PDGFD: variants seen among roughly 807,000 people sequenced by gnomAD.
PDGFD encodes platelet-derived growth factor D.
PDGFD carries 30 observed loss-of-function variants against 44.7 expected under a neutral mutation model. That is an observed-to-expected ratio of 0.67 (90% CI 0.50 to 0.91). The LOEUF (loss-of-function observed/expected upper bound fraction) is 0.91, where lower values mean the gene tolerates loss of function less well. PDGFD is among the 40% of genes least tolerant of loss of function. PDGFD has a pLI of 0.00. For synonymous variants in PDGFD, 173 were observed against 168.4 expected (o/e 1.03, Z -0.21); for missense variants, 445 against 457.8 (o/e 0.97, Z 0.25).
At chr11:103,989,419 A>G (rs1387944961) in intron 3 of PDGFD, among the ~76,000 whole-genome samples, 1 of 152,242 alleles carries the variant, frequency 6.6e-6, no homozygotes, top group Non-Finnish European at 1.5e-5. Context: ...AGCCCAGGAC[A>G]GCAGCATTCA....
In PDGFD at chr11:104,074,982, T is replaced by C. The variant is rs1437951278; in HGVS notation, c.125-74727A>G. ...AAACAACTAAGCAAAAGCAGTTCCA[T>C]ACATAGACTAAAAGGAAGTAAAATA... On this transcript the variant is annotated intron_variant, in intron 1 of 6. Transcript: ENST00000393158. Among the ~76,000 whole-genome samples the C allele has an allele frequency of 2.6e-5, 4 of 152,194 alleles. No homozygotes were observed. The East Asian group carries it at 7.7e-4, about 29-fold the overall frequency.
intron 1 of PDGFD, among the ~76,000 whole-genome samples, chr11:104,112,663 C>T (rs1861576148): frequency 6.6e-6 from 1 of 151,988 alleles, no homozygotes; most frequent in South Asian, 2.1e-4. Context: ...AAATATGGTA[C>T]ATATATGACA....
chr11:104,062,673 T>C (rs1860733091), intron 1 of PDGFD, among the ~76,000 whole-genome samples: 1 of 152,256 alleles, frequency 6.6e-6, no homozygotes, highest in Non-Finnish European at 1.5e-5. Flanking sequence ...ATTATGCTAC[T>C]ACAAACATTG....
intron 1 of PDGFD, among the ~76,000 whole-genome samples, chr11:104,044,564 T>C (rs570549175): frequency 2.5e-4 from 38 of 152,330 alleles, no homozygotes; most frequent in Middle Eastern, 3.4e-3. Context: ...ATAAATATGC[T>C]ATGGGTTGAC....
At position 104,078,591 on chromosome 11, in the gene PDGFD, T is replaced by C. The variant is rs112088996; in HGVS notation, c.125-78336A>G. 9.6e-4 allele frequency among the ~76,000 whole-genome samples: 49 copies of C among 51,132 alleles called. No homozygotes were observed. In the African/African-American group the frequency reaches 9.7e-3, roughly 10 times the overall value. 33.5% of individuals were successfully genotyped at this position (51,132 alleles called of 152,430 possible). Reference sequence around the variant, plus strand: ...TTATATTTTTTCGGATAATTTATTATGTGTTTCATGTGATTTAGTTCCTTA... The same window carrying C: ...TTATATTTTTTCGGATAATTTATTACGTGTTTCATGTGATTTAGTTCCTTA... On this transcript the variant is annotated intron_variant, in intron 1 of 6. Transcript: ENST00000393158.
chr11:104,026,997 G>C (rs181328369), intron 1 of PDGFD, among the ~76,000 whole-genome samples: 1 of 152,162 alleles, frequency 6.6e-6, no homozygotes, highest in African/African-American at 2.4e-5. Context: ...TAGATGAACA[G>C]ATTGTCTTTT....
intron 1 of PDGFD, among the ~76,000 whole-genome samples, chr11:104,112,094 A>G (rs1047772639): frequency 1.3e-5 from 2 of 152,200 alleles, no homozygotes; most frequent in Non-Finnish European, 2.9e-5. Flanking sequence ...AAATGCAAAG[A>G]TACTTATTAT....
intron 1 of PDGFD, among the ~76,000 whole-genome samples, chr11:104,028,399 C>T (rs1448810385): frequency 6.7e-6 from 1 of 150,010 alleles, no homozygotes; most frequent in Non-Finnish European, 1.5e-5. Flanking sequence ...AATTATGGCT[C>T]TTAGTTGAAT....
chr11:104,149,480 T>A (rs576976027), intron 1 of PDGFD, among the ~76,000 whole-genome samples: 2 of 152,286 alleles, frequency 1.3e-5, no homozygotes, highest in African/African-American at 4.8e-5. Flanking sequence ...AATCAGTGAA[T>A]GATGGCAGTG....
chr11:104,048,674 G>A (rs969914704), intron 1 of PDGFD, among the ~76,000 whole-genome samples: 2 of 152,126 alleles, frequency 1.3e-5, no homozygotes, highest in Non-Finnish European at 2.9e-5. Flanking sequence ...TAAGTCACAA[G>A]TACAAATTGA....
At chr11:103,996,025 C>A in intron 3 of PDGFD, 40 bp downstream of exon 3, 6 of 1,541,578 alleles carry the variant, frequency 3.9e-6, no homozygotes, top group Non-Finnish European at 2.7e-6. Context: ...CTTCATGAAA[C>A]CAGTGTCTGC....
At chr11:104,071,518 T>C (rs1310027333) in intron 1 of PDGFD, among the ~76,000 whole-genome samples, 2 of 151,748 alleles carry the variant, frequency 1.3e-5, no homozygotes, top group Non-Finnish European at 3.0e-5. Context: ...TCTCCTTCAA[T>C]TTTTAAACAT....
intron 1 of PDGFD, among the ~76,000 whole-genome samples, chr11:104,087,519 C>T (rs535893951): frequency 6.6e-6 from 1 of 152,172 alleles, no homozygotes; most frequent in South Asian, 2.1e-4. Flanking sequence ...CCAACCAGTC[C>T]TATTTTTTAT....
intron 1 of PDGFD, among the ~76,000 whole-genome samples, chr11:104,070,426 T>G (rs746538982): frequency 6.6e-6 from 1 of 152,152 alleles, no homozygotes; most frequent in Non-Finnish European, 1.5e-5. Flanking sequence ...GAAACCCACC[T>G]CCTGTTATTC....
intron 3 of PDGFD, among the ~76,000 whole-genome samples, chr11:103,977,000 T>C (rs1034344595): frequency 6.6e-6 from 1 of 152,002 alleles, no homozygotes; most frequent in African/African-American, 2.4e-5. Flanking sequence ...TAGAAAATGA[T>C]AAATGGGATA....
intron 3 of PDGFD, among the ~76,000 whole-genome samples, chr11:103,953,502 T>C (rs1858790243): frequency 6.6e-6 from 1 of 152,178 alleles, no homozygotes; most frequent in African/African-American, 2.4e-5. Flanking sequence ...TGTTTTAAAA[T>C]GTCATAGTAA....
At chr11:104,124,446 C>A (rs1263636702) in intron 1 of PDGFD, among the ~76,000 whole-genome samples, 1 of 152,040 alleles carries the variant, frequency 6.6e-6, no homozygotes, top group East Asian at 1.9e-4. Flanking sequence ...GAAGATATTC[C>A]TGTAAAGTAC....
At chr11:104,062,758 ATGTT>A (rs1379181624) in intron 1 of PDGFD, among the ~76,000 whole-genome samples, 8 of 152,194 alleles carry the variant, frequency 5.3e-5, no homozygotes, top group Admixed American at 5.2e-4. Flanking sequence ...TTGAAAATTC[ATGTT>A]AAGGGAAGAA....
At chr11:104,050,431 G>A (rs182515598) in intron 1 of PDGFD, among the ~76,000 whole-genome samples, 22 of 152,214 alleles carry the variant, frequency 1.4e-4, no homozygotes, top group Admixed American at 3.9e-4. Context: ...GGCCAGTCCC[G>A]AGGGCCCGCT....
Sources: allele counts gnomAD v4.1 joint callset (sites outside exome capture counted in the v4.1 genomes callset), GRCh38; gene constraint gnomAD v4.1.1; transcripts MANE v1.5; gene names NCBI Gene and HGNC (gene_info 2026-07-23, HGNC 2026-07-21).